RASGRP3: variants seen among roughly 807,000 people sequenced by gnomAD.
RASGRP3 encodes the protein RAS guanyl releasing protein 3, also known as ras guanyl-releasing protein 3.
A neutral mutation model predicts 82.7 loss-of-function variants in RASGRP3; 54 were observed. That is an observed-to-expected ratio of 0.65 (90% CI 0.52 to 0.82). RASGRP3 has a LOEUF of 0.82. Ranked by LOEUF, RASGRP3 falls within the 40% of genes least tolerant of loss-of-function variation. RASGRP3 has a pLI of 0.00. For missense variants in RASGRP3, 861 were observed against 828.9 expected, an observed-to-expected ratio of 1.04 and a Z score of -0.48; for synonymous variants, 309 against 300.5, an observed-to-expected ratio of 1.03 and a Z score of -0.29.
intron 1 of RASGRP3, among the ~76,000 whole-genome samples, chr2:33,437,438 C>T (rs148237965): frequency 2.0e-5 from 3 of 152,308 alleles, no homozygotes; most frequent in Admixed American, 6.5e-5. Flanking sequence ...CTGATAATAA[C>T]CACATTTGTG....
rs983053747 is a variant in RASGRP3 at position 33,485,966 on chromosome 2, A to G, written c.-261+9259A>G. Among the ~76,000 whole-genome samples the G allele has an allele frequency of 2.0e-5, 3 of 152,204 alleles. No individual in the cohort carries two copies. In the South Asian group the frequency reaches 6.2e-4, roughly 31 times the overall value. On this transcript the variant is annotated intron_variant, in intron 1 of 17. Coordinates refer to ENST00000403687, the MANE Select transcript of RASGRP3 (RefSeq NM_001139488.2). ...TCTAACTTGTGGAAGAGAGGCTAATATATTTGGAAAATTGTTTTGAGCTTT... is the reference window on the plus strand; with the variant it reads ...TCTAACTTGTGGAAGAGAGGCTAATGTATTTGGAAAATTGTTTTGAGCTTT...
In RASGRP3 at chr2:33,563,677, T is replaced by C. The variant is rs1408488535; in HGVS notation, c.*940T>C. ...TCAATTTTTTTAAACTCAATAATTT[T>C]GTGAAAAAAAAAACCACCACCAAAC... On this transcript the variant is annotated 3_prime_UTR_variant, in exon 18 of 18. Coordinates refer to ENST00000403687, the MANE Select transcript of RASGRP3 (RefSeq NM_001139488.2). The C allele has an allele frequency of 6.6e-6, 1 of 150,512 alleles. No individual in the cohort carries two copies. The highest frequency in any genetic ancestry group is 2.5e-5 in the African/African-American group (1 of 40,572). 9.3% of individuals were successfully genotyped at this position (150,512 alleles called of 1,614,324 possible). A position where few individuals can be genotyped will look rare whatever the true frequency, so the allele number is the denominator to read the frequency against.
intron 1 of RASGRP3, among the ~76,000 whole-genome samples, chr2:33,479,428 C>T (rs1041199715): frequency 6.6e-6 from 1 of 152,178 alleles, no homozygotes; most frequent in Non-Finnish European, 1.5e-5. Flanking sequence ...CCATGCCCCA[C>T]CCCAAATAGC....
At chr2:33,473,211 G>A (rs1667163307), upstream of RASGRP3, among the ~76,000 whole-genome samples, 2 of 151,980 alleles carry the variant, frequency 1.3e-5, no homozygotes, top group African/African-American at 2.4e-5. Context: ...AAAAATACAT[G>A]TCTCTACTAA....
chr2:33,559,074 C>T, intron 17 of RASGRP3, 44 bp downstream of exon 17: 3 of 1,468,718 alleles, frequency 2.0e-6, no homozygotes, highest in South Asian at 1.4e-5. Flanking sequence ...AAGAAGGAGG[C>T]TGAAAGTGCT....
At chr2:33,501,722 G>A (rs1461269994) in intron 1 of RASGRP3, among the ~76,000 whole-genome samples, 1 of 152,176 alleles carries the variant, frequency 6.6e-6, no homozygotes, top group Non-Finnish European at 1.5e-5. Flanking sequence ...CCACTTCTGT[G>A]GATGAGTTCA....
At chr2:33,507,684 C>T (rs187600754) in intron 1 of RASGRP3, among the ~76,000 whole-genome samples, 6 of 152,302 alleles carry the variant, frequency 3.9e-5, no homozygotes, top group South Asian at 2.1e-4. Context: ...TGCCACCACG[C>T]CTGGCTACTT....
intron 4 of RASGRP3, among the ~76,000 whole-genome samples, chr2:33,517,014 G>A (rs944898956): frequency 5.3e-5 from 8 of 152,334 alleles, no homozygotes; most frequent in East Asian, 1.9e-4. Flanking sequence ...CATAGAGGAC[G>A]CAGCTTAATC....
intron 11 of RASGRP3, among the ~76,000 whole-genome samples, chr2:33,536,005 A>C (rs950779485): frequency 9.2e-5 from 14 of 152,160 alleles, no homozygotes; most frequent in Non-Finnish European, 1.5e-5. Context: ...TAACTCCGTT[A>C]AGAAAACTAG....
At chr2:33,471,301 A>G (rs973284980) in intron 2 of RASGRP3, among the ~76,000 whole-genome samples, 1 of 128,622 alleles carries the variant, frequency 7.8e-6, no homozygotes, top group African/African-American at 2.5e-5. Flanking sequence ...TCATCCTCCC[A>G]GGTTGGTAGG....
At chr2:33,562,681 T>A in intron 17 of RASGRP3, 48 bp from the exon 18 acceptor site, 1 of 1,601,300 alleles carries the variant, frequency 6.2e-7, no homozygotes, top group Non-Finnish European at 8.6e-7. Flanking sequence ...CACTCTTATT[T>A]TGTTATATGA....
chr2:33,449,396 A>C (rs772464765), intron 2 of RASGRP3, among the ~76,000 whole-genome samples: 1 of 152,246 alleles, frequency 6.6e-6, no homozygotes, highest in African/African-American at 2.4e-5. Context: ...ATAGCATAGA[A>C]TATTGTGCAG....
At chr2:33,560,535 A>C (rs994196408) in intron 17 of RASGRP3, among the ~76,000 whole-genome samples, 2 of 152,256 alleles carry the variant, frequency 1.3e-5, no homozygotes, top group African/African-American at 4.8e-5. Context: ...AGAGGAGTCC[A>C]TGCATTAAAC....
chr2:33,470,610 A>T (rs1241169023), intron 2 of RASGRP3, among the ~76,000 whole-genome samples: 3 of 151,914 alleles, frequency 2.0e-5, no homozygotes, highest in African/African-American at 4.8e-5. Context: ...CGATCTCCTG[A>T]CCTTGTGATC....
chr2:33,538,248 A>G (rs1673849653), intron 11 of RASGRP3, among the ~76,000 whole-genome samples: 1 of 152,222 alleles, frequency 6.6e-6, no homozygotes, highest in Non-Finnish European at 1.5e-5. Flanking sequence ...CACACCTGTA[A>G]TCCCAGCACT....
At chr2:33,499,376 G>A (rs1239768161) in intron 1 of RASGRP3, among the ~76,000 whole-genome samples, 1 of 152,012 alleles carries the variant, frequency 6.6e-6, no homozygotes, top group Non-Finnish European at 1.5e-5. Context: ...TGGGCAACAT[G>A]GTGAAACCCC....
At chr2:33,506,704 CA>C (rs1006283423) in intron 1 of RASGRP3, among the ~76,000 whole-genome samples, 5 of 152,098 alleles carry the variant, frequency 3.3e-5, no homozygotes, top group East Asian at 1.9e-4. Context: ...GCAAGAAGGA[CA>C]AAAAATTTCT....
At chr2:33,506,632 A>C (rs1670403822) in intron 1 of RASGRP3, among the ~76,000 whole-genome samples, 1 of 152,268 alleles carries the variant, frequency 6.6e-6, no homozygotes, top group East Asian at 1.9e-4. Context: ...AGGATAAAAC[A>C]GACAACAAAA....
rs948194477 is a variant in RASGRP3, at chr2:33,509,914, C to A, written c.-260-1796C>A. On this transcript the variant is annotated intron_variant, in intron 1 of 17. Coordinates refer to ENST00000403687, the MANE Select transcript of RASGRP3 (RefSeq NM_001139488.2). The stretch of plus-strand genomic sequence containing the variant: ...TCATTTACTAACCTCAATCTTAATT[C>A]TCCTATGGAGTATCAGGTAATATAA... Among the ~76,000 whole-genome samples the A allele has an allele frequency of 3.3e-5, 5 of 152,084 alleles. No individual in the cohort carries two copies. In the South Asian group the frequency reaches 8.3e-4, roughly 25 times the overall value.
Sources: gnomAD v4.1 joint callset for allele counts (sites outside exome capture counted in the v4.1 genomes callset) on GRCh38, gnomAD v4.1.1 for gene constraint, MANE v1.5 for transcripts, NCBI Gene and HGNC (gene_info 2026-07-23, HGNC 2026-07-21) for gene names.